Variants in NUP98 observed in about 807,000 individuals in gnomAD.
NUP98 encodes the protein nucleoporin 98 and 96 precursor.
A neutral mutation model predicts 191.9 loss-of-function variants in NUP98; 26 were observed. That is an observed-to-expected ratio of 0.14 (90% CI 0.10 to 0.19). The LOEUF is 0.19. Ranked by LOEUF, NUP98 falls within the 10% of genes least tolerant of loss-of-function variation. The pLI, the probability that NUP98 is intolerant of heterozygous loss-of-function variation, is 1.00. For synonymous variants in NUP98, 808 were observed against 778.4 expected, an observed-to-expected ratio of 1.04 and a Z score of -0.63; for missense variants, 1,941 against 2,178.8, an observed-to-expected ratio of 0.89 and a Z score of 2.17.
intron 20 of NUP98, chr11:3,712,281 C>T (rs752007461): frequency 1.7e-6 from 2 of 1,190,656 alleles, no homozygotes; most frequent in Admixed American, 8.6e-5. Context: ...AATCACTGAG[C>T]AGAGAATTCA....
At position 3,746,226 on chromosome 11, in the gene NUP98, G is replaced by A. The variant is rs934542692; in HGVS notation, c.1268-1577C>T. Among the ~76,000 whole-genome samples the A allele has an allele frequency of 4.1e-5, 5 of 122,320 alleles. No individual in the cohort carries two copies. The East Asian group carries it at 1.0e-3, about 25-fold the overall frequency. 80.2% of individuals were successfully genotyped at this position (122,320 alleles called of 152,430 possible). A position where few individuals can be genotyped will look rare whatever the true frequency, so the allele number is the denominator to read the frequency against. On this transcript the variant is annotated intron_variant, in intron 11 of 32. Coordinates refer to ENST00000324932, the MANE Select transcript of NUP98 (RefSeq NM_016320.5). ...GGAGGTTGCGGTGAGCCAAGATCACGCCATTGCACTCCAGCCTGGGCAACA... is the reference window on the plus strand; with the variant it reads ...GGAGGTTGCGGTGAGCCAAGATCACACCATTGCACTCCAGCCTGGGCAACA...
At chr11:3,782,533 AAC>A (rs1457156857) in intron 1 of NUP98, among the ~76,000 whole-genome samples, 2 of 151,936 alleles carry the variant, frequency 1.3e-5, no homozygotes, top group African/African-American at 4.8e-5. Context: ...CAAAAATTAA[AAC>A]ACAGTCTGCT....
At chr11:3,706,229 T>A (rs577568204) in intron 21 of NUP98, among the ~76,000 whole-genome samples, 1 of 152,232 alleles carries the variant, frequency 6.6e-6, no homozygotes, top group South Asian at 2.1e-4. Flanking sequence ...CTAATGCAGT[T>A]AAAACCAGAA....
intron 14 of NUP98, among the ~76,000 whole-genome samples, chr11:3,728,567 C>T (rs2079709810): frequency 6.6e-6 from 1 of 151,964 alleles, no homozygotes. Flanking sequence ...AACCCTGTCT[C>T]TACTAAAAAA....
intron 13 of NUP98, among the ~76,000 whole-genome samples, chr11:3,732,855 A>G (rs2079896667): frequency 6.6e-6 from 1 of 152,220 alleles, no homozygotes; most frequent in Non-Finnish European, 1.5e-5. Context: ...ACACTTAACA[A>G]TGAATCTTTG....
Position 3,691,504 on chromosome 11 carries a change from T to A in NUP98, c.4312-15A>T. 1 of 1,613,618 alleles carries A rather than the reference T, an allele frequency of 6.2e-7. No individual in the cohort carries two copies. Among genetic ancestry groups the A allele is most frequent in the Non-Finnish European group, 8.5e-7 (1 of 1,179,664 alleles). On this transcript the variant is annotated splice_polypyrimidine_tract_variant and intron_variant, in intron 27 of 32. Coordinates refer to ENST00000324932, the MANE Select transcript of NUP98 (RefSeq NM_016320.5). ...TCAGAGGTATTCTGAAGGAATAATT[T>A]GATAAAACAATACATTAGCTCCTAA...
chr11:3,757,795 G>A (rs1020996184), intron 10 of NUP98, among the ~76,000 whole-genome samples: 5 of 152,040 alleles, frequency 3.3e-5, no homozygotes, highest in South Asian at 4.2e-4. Flanking sequence ...GCGAAACTCC[G>A]TCTCAAAAAG....
At chr11:3,795,339 G>C (rs1406668231) in intron 1 of NUP98, among the ~76,000 whole-genome samples, 2 of 152,146 alleles carry the variant, frequency 1.3e-5, no homozygotes, top group African/African-American at 4.8e-5. Context: ...TCAGCTACTT[G>C]GGAGGCTGAG....
chr11:3,707,040 A>T (rs182459886), intron 20 of NUP98, among the ~76,000 whole-genome samples: 85 of 149,338 alleles, frequency 5.7e-4, no homozygotes, highest in African/African-American at 2.1e-3. Context: ...CAAATATCAA[A>T]GTCTCCAGTA....
chr11:3,726,523 A>G (rs2079624852), intron 14 of NUP98, among the ~76,000 whole-genome samples: 1 of 149,190 alleles, frequency 6.7e-6, no homozygotes. Flanking sequence ...CGCCACTGAC[A>G]TTAAAAAAAA....
At chr11:3,686,446 G>C (rs768450362) in intron 28 of NUP98, among the ~76,000 whole-genome samples, 2 of 152,182 alleles carry the variant, frequency 1.3e-5, no homozygotes, top group Non-Finnish European at 2.9e-5. Context: ...ATGGTTTGGC[G>C]TATGTATTTT....
chr11:3,696,016 A>ACCC (rs1297263728), intron 25 of NUP98, among the ~76,000 whole-genome samples: 1 of 151,922 alleles, frequency 6.6e-6, no homozygotes, highest in Admixed American at 6.6e-5. Context: ...ACATGGTGAA[A>ACCC]CCCCGTCCCT....
In NUP98 at chr11:3,789,931, C is replaced by CTATA. The variant is rs1470035181; in HGVS notation, c.-29+7468_-29+7469insTATA. ...TCTCGAGAAGATGGGACTACAGGCA[C>CTATA]CCACCACTATACCGGGTTAATTTTT... On this transcript the variant is annotated intron_variant, in intron 1 of 32. Coordinates refer to ENST00000324932, the MANE Select transcript of NUP98 (RefSeq NM_016320.5). Among the ~76,000 whole-genome samples, 4 of 152,128 alleles carry CTATA rather than the reference C, an allele frequency of 2.6e-5. No homozygotes were observed. The East Asian group carries it at 7.7e-4, about 29-fold the overall frequency.
At position 3,770,953 on chromosome 11, in the gene NUP98, C is replaced by T. The variant is rs574524568; in HGVS notation, c.784+795G>A. 2.0e-5 allele frequency among the ~76,000 whole-genome samples: 3 copies of T among 152,272 alleles called. No individual in the cohort carries two copies. The South Asian group carries it at 6.2e-4, about 32-fold the overall frequency. ...TCTCAGATCACTGCAACCTCTGCCT[C>T]CCAGGTTCAAGCGATTCTCCTGCCT... On this transcript the variant is annotated intron_variant, in intron 7 of 32. Coordinates refer to ENST00000324932, the MANE Select transcript of NUP98 (RefSeq NM_016320.5).
chr11:3,766,738 G>GTTGTTT (rs1256108785), intron 8 of NUP98, among the ~76,000 whole-genome samples: 2 of 148,992 alleles, frequency 1.3e-5, no homozygotes, highest in Non-Finnish European at 3.0e-5. Context: ...CCTCCAACTT[G>GTTGTTT]TTGTTTTTCA....
chr11:3,797,368 C>T (rs1198283340), intron 1 of NUP98, 32 bp downstream of exon 1: 5 of 401,558 alleles, frequency 1.2e-5, no homozygotes, highest in Non-Finnish European at 1.8e-5. Flanking sequence ...ACCTGCCGGT[C>T]TCGGCCGCTG....
chr11:3,775,427 T>G (rs1206174556), intron 5 of NUP98, among the ~76,000 whole-genome samples: 2 of 151,634 alleles, frequency 1.3e-5, no homozygotes, highest in Non-Finnish European at 2.9e-5. Flanking sequence ...TCACAGCTAC[T>G]CAGGAGGCGG....
At chr11:3,702,336 CTCTCTCTCT>C in intron 23 of NUP98, 118 bp downstream of exon 23, 2 of 190,924 alleles carry the variant, frequency 1.0e-5, no homozygotes, top group Non-Finnish European at 2.0e-5. Flanking sequence ...CTCTCTCTCT[CTCTCTCTCT>C]CTCTCTCTCT....
rs1259105482 is a variant in NUP98, at chr11:3,724,789, A to AAAAAAAAAAAAAAAAAAAAG, written c.1847+313_1847+314insCTTTTTTTTTTTTTTTTTTT. ...GAGTGAGACTCTGTCTCAAAAAAAA[A>AAAAAAAAAAAAAAAAAAAAG]AAAGAAAGAAAATCATCACAGACAA... is the stretch of plus-strand genomic sequence containing the variant. On this transcript the variant is annotated intron_variant, in intron 15 of 32. Coordinates refer to ENST00000324932, the MANE Select transcript of NUP98 (RefSeq NM_016320.5). Among the ~76,000 whole-genome samples the AAAAAAAAAAAAAAAAAAAAG allele has an allele frequency of 6.7e-4, 100 of 150,312 alleles. 1 individual carries two copies. The highest frequency in any genetic ancestry group is 2.3e-3 in the African/African-American group (95 of 40,552).
Sources: gnomAD v4.1 joint callset for allele counts (sites outside exome capture counted in the v4.1 genomes callset) on GRCh38, gnomAD v4.1.1 for gene constraint, MANE v1.5 for transcripts, NCBI Gene and HGNC (gene_info 2026-07-23, HGNC 2026-07-21) for gene names.